The following CTNNA2 variants were observed in gnomAD, a reference collection of about 807,000 sequenced individuals.
The protein encoded by CTNNA2 is catenin alpha 2.
In CTNNA2, 42 loss-of-function variants were observed where a neutral mutation model predicts 101.0. The ratio of observed to expected loss-of-function variants is 0.42; its 90% CI spans 0.32 to 0.54. The LOEUF is 0.54. CTNNA2 is among the 20% of genes least tolerant of loss of function. The probability of loss-of-function intolerance (pLI) is 0.14; values close to 1 mark genes in which losing one functional copy is unlikely to be tolerated. For missense variants in CTNNA2, 871 were observed against 1,223.1 expected, an observed-to-expected ratio of 0.71 and a Z score of 4.29; for synonymous variants, 450 against 456.4, an observed-to-expected ratio of 0.99 and a Z score of 0.18.
At chr2:79,424,506 AG>A (rs991491575) in intron 4 of CTNNA2, among the ~76,000 whole-genome samples, 64 of 152,138 alleles carry the variant, frequency 4.2e-4, no homozygotes, top group Non-Finnish European at 9.3e-4. Context: ...GCACACCGTT[AG>A]TGGTTAATAA....
chr2:80,628,827 C>T (rs548149196), intron 18 of CTNNA2, among the ~76,000 whole-genome samples: 40 of 152,042 alleles, frequency 2.6e-4, no homozygotes, highest in African/African-American at 9.2e-4. Flanking sequence ...ACGATGATCC[C>T]CATCATATGA....
At position 80,190,402 on chromosome 2, in the gene CTNNA2, A is replaced by T. The variant is rs149138150; in HGVS notation, c.1057-202809A>T. On this transcript the variant is annotated intron_variant, in intron 7 of 18. Transcript: ENST00000402739. ...CCTGCAAACAGCATGCGGTTTGTATAGCATTTTCAGTTAACACTTTCCCCG... is the reference window on the plus strand; with the variant it reads ...CCTGCAAACAGCATGCGGTTTGTATTGCATTTTCAGTTAACACTTTCCCCG... Among the ~76,000 whole-genome samples, 18 of 152,256 alleles carry T rather than the reference A, an allele frequency of 1.2e-4. No homozygotes were observed. In the East Asian group the frequency reaches 2.9e-3, roughly 25 times the overall value.
At chr2:80,344,652 C>G in intron 7 of CTNNA2, among the ~76,000 whole-genome samples, 1 of 152,046 alleles carries the variant, frequency 6.6e-6, no homozygotes. Flanking sequence ...GCCCAGCTAT[C>G]TTTTTGTATT....
chr2:80,277,553 G>GAAAAAAAAAA (rs10650278), intron 7 of CTNNA2, among the ~76,000 whole-genome samples: 2,643 of 83,650 alleles, frequency 0.032, 165 homozygotes, highest in South Asian at 0.14. Context: ...AAGGATTTCT[G>GAAAAAAAAAA]AAAAAAAAAA....
At chr2:79,970,060 G>T (rs189606389) in intron 7 of CTNNA2, among the ~76,000 whole-genome samples, 1 of 152,308 alleles carries the variant, frequency 6.6e-6, no homozygotes, top group African/African-American at 2.4e-5. Flanking sequence ...GATCCTTACA[G>T]TAAATAGGTG....
chr2:80,006,690 G>T (rs1478873874), intron 7 of CTNNA2, among the ~76,000 whole-genome samples: 1 of 152,184 alleles, frequency 6.6e-6, no homozygotes, highest in Non-Finnish European at 1.5e-5. Flanking sequence ...CAGGATGGGT[G>T]TGGATGCTGA....
At chr2:79,442,121 G>A (rs17017128) in intron 4 of CTNNA2, among the ~76,000 whole-genome samples, 6,995 of 152,030 alleles carry the variant, frequency 0.046, 273 homozygotes, top group East Asian at 0.11. Context: ...CTATTTCCCT[G>A]ACATTTATAT....
chr2:80,052,287 T>C (rs116658526), intron 7 of CTNNA2, among the ~76,000 whole-genome samples: 5,745 of 152,330 alleles, frequency 0.038, 148 homozygotes, highest in Non-Finnish European at 0.06. Context: ...TGTGTCCTTC[T>C]GTATATCTCA....
At chr2:80,125,428 C>T (rs1327347427) in intron 7 of CTNNA2, among the ~76,000 whole-genome samples, 3 of 152,124 alleles carry the variant, frequency 2.0e-5, no homozygotes, top group Admixed American at 2.0e-4. Context: ...GGACTGTAGA[C>T]AGCTCTTGGA....
intron 3 of CTNNA2, among the ~76,000 whole-genome samples, chr2:79,321,551 C>G (rs951098451): frequency 1.3e-5 from 2 of 152,180 alleles, no homozygotes; most frequent in African/African-American, 4.8e-5. Flanking sequence ...TGCTGAGTGT[C>G]TGATGAGTGT....
At chr2:79,277,868 A>T (rs1276304490) in intron 2 of CTNNA2, among the ~76,000 whole-genome samples, 1 of 151,978 alleles carries the variant, frequency 6.6e-6, no homozygotes, top group African/African-American at 2.4e-5. Context: ...GTACATTTTG[A>T]CCTAATCTGC....
intron 9 of CTNNA2, among the ~76,000 whole-genome samples, chr2:80,484,413 A>G (rs943227023): frequency 3.9e-5 from 6 of 152,186 alleles, no homozygotes; most frequent in Non-Finnish European, 7.4e-5. Context: ...AACAGTGTCT[A>G]GTGTCTTAAA....
intron 7 of CTNNA2, among the ~76,000 whole-genome samples, chr2:80,103,037 C>T (rs923995509): frequency 1.3e-5 from 2 of 152,136 alleles, no homozygotes; most frequent in African/African-American, 4.8e-5. Context: ...AGCTCCTGCT[C>T]ATATGTGGGG....
chr2:79,395,387 C>T (rs1442694602), intron 4 of CTNNA2, among the ~76,000 whole-genome samples: 1 of 151,958 alleles, frequency 6.6e-6, no homozygotes, highest in African/African-American at 2.4e-5. Context: ...GCTATCCTTC[C>T]ACCCTCCCCC....
intron 7 of CTNNA2, among the ~76,000 whole-genome samples, chr2:80,317,437 C>CAGCT (rs1678234580): frequency 6.6e-6 from 1 of 152,122 alleles, no homozygotes; most frequent in Non-Finnish European, 1.5e-5. Flanking sequence ...TGCCTTAACA[C>CAGCT]AGCTGGTATT....
Position 80,467,202 on chromosome 2 carries a change from G to A in CTNNA2, c.1290+47601G>A, listed in dbSNP as rs141853087. 6.6e-5 allele frequency among the ~76,000 whole-genome samples: 10 copies of A among 152,244 alleles called. No homozygotes were observed. The East Asian group carries it at 9.7e-4, about 15-fold the overall frequency. On this transcript the variant is annotated intron_variant, in intron 9 of 18. Transcript: ENST00000402739. ...GACTTAGGCTTACTTCACATGCCAC[G>A]CGCTTCCTCACTCTAAAAGTACCTC...
At chr2:79,529,901 G>A (rs1311724534) in intron 1 of CTNNA2, among the ~76,000 whole-genome samples, 7 of 151,754 alleles carry the variant, frequency 4.6e-5, no homozygotes, top group African/African-American at 7.3e-5. Context: ...AGGCTGAACC[G>A]GGACATTCCT....
intron 15 of CTNNA2, among the ~76,000 whole-genome samples, chr2:80,598,312 A>G (rs953598783): frequency 9.2e-5 from 14 of 152,234 alleles, no homozygotes; most frequent in African/African-American, 3.4e-4. Flanking sequence ...AGGGTTGGGG[A>G]GCAAGGGAAG....
intron 3 of CTNNA2, among the ~76,000 whole-genome samples, chr2:79,319,279 T>A (rs1488663453): frequency 6.6e-6 from 1 of 152,168 alleles, no homozygotes; most frequent in Non-Finnish European, 1.5e-5. Context: ...ACCCTACTGA[T>A]TCAGCTGGCA....
Sources: gnomAD v4.1 joint callset for allele counts (sites outside exome capture counted in the v4.1 genomes callset) on GRCh38, gnomAD v4.1.1 for gene constraint, MANE v1.5 for transcripts, NCBI Gene and HGNC (gene_info 2026-07-23, HGNC 2026-07-21) for gene names.